The following CDH8 variants were observed in gnomAD, a reference collection of about 807,000 sequenced individuals.
CDH8 encodes the protein cadherin 8.
In CDH8, 17 loss-of-function variants were observed where a neutral mutation model predicts 68.1. That is an observed-to-expected ratio of 0.25 (90% CI 0.17 to 0.37). The LOEUF (loss-of-function observed/expected upper bound fraction) is 0.37, where lower values mean the gene tolerates loss of function less well. Among genes scored for constraint, CDH8 ranks in the 10% least tolerant of loss-of-function variants. The probability of loss-of-function intolerance (pLI) is 1.00; values close to 1 mark genes in which losing one functional copy is unlikely to be tolerated. For synonymous variants in CDH8, 372 were observed against 365.1 expected (o/e 1.02, Z -0.21); for missense variants, 763 against 999.3 (o/e 0.76, Z 3.19).
chr16:61,648,910 T>C lies in CDH8; in HGVS notation c.*4698A>G, dbSNP rs1054460103. The stretch of plus-strand genomic sequence containing the variant: ...ATACCATGTAATCCATAAATTTGTG[T>C]TGACTAAAACTACAATGACAATAAA... On this transcript the variant is annotated 3_prime_UTR_variant, in exon 12 of 12. Coordinates refer to ENST00000577390, the MANE Select transcript of CDH8 (RefSeq NM_001796.5). The C allele has an allele frequency of 6.6e-6, 1 of 151,966 alleles. No homozygotes were observed. Among genetic ancestry groups the C allele is most frequent in the Non-Finnish European group, 1.5e-5 (1 of 67,956 alleles). 9.4% of individuals were successfully genotyped at this position (151,966 alleles called of 1,614,324 possible).
intron 10 of CDH8, among the ~76,000 whole-genome samples, chr16:61,702,301 GGCGGAGCTTGCAGTGA>G (rs1170533141): frequency 2.6e-5 from 4 of 152,274 alleles, no homozygotes; most frequent in African/African-American, 9.6e-5. Flanking sequence ...GAGCCCGGGA[GGCGGAGCTTGCAGTGA>G]GCGGAGATTG....
intron 10 of CDH8, among the ~76,000 whole-genome samples, chr16:61,713,584 C>T (rs896477828): frequency 6.6e-6 from 1 of 151,562 alleles, no homozygotes; most frequent in Non-Finnish European, 1.5e-5. Context: ...TTTTACTCTT[C>T]ATTTTTTAAA....
At chr16:61,885,395 C>G (rs1389463288) in intron 3 of CDH8, among the ~76,000 whole-genome samples, 3 of 152,110 alleles carry the variant, frequency 2.0e-5, no homozygotes, top group African/African-American at 7.2e-5. Flanking sequence ...AAAGCCTGAA[C>G]ACAAGAATTA....
At chr16:61,713,578 A>T (rs1174382960) in intron 10 of CDH8, among the ~76,000 whole-genome samples, 1 of 151,622 alleles carries the variant, frequency 6.6e-6, no homozygotes, top group South Asian at 2.1e-4. Flanking sequence ...GTTAAATTTT[A>T]CTCTTCATTT....
intron 2 of CDH8, among the ~76,000 whole-genome samples, chr16:61,986,707 T>G (rs1965635113): frequency 6.6e-6 from 1 of 152,184 alleles, no homozygotes. Flanking sequence ...GAAGGTAGAT[T>G]AGAGAATCAG....
chr16:61,711,832 C>T (rs1350541391), intron 10 of CDH8, among the ~76,000 whole-genome samples: 1 of 151,612 alleles, frequency 6.6e-6, no homozygotes, highest in Non-Finnish European at 1.5e-5. Flanking sequence ...TAAATATAAG[C>T]AGCCACCCCT....
intron 2 of CDH8, among the ~76,000 whole-genome samples, chr16:62,012,724 G>A (rs1382021736): frequency 2.0e-5 from 3 of 152,062 alleles, no homozygotes; most frequent in Non-Finnish European, 4.4e-5. Flanking sequence ...TGAATATATT[G>A]ATATATTTCC....
At chr16:61,852,972 C>A (rs1313540017) in intron 4 of CDH8, among the ~76,000 whole-genome samples, 1 of 151,056 alleles carries the variant, frequency 6.6e-6, no homozygotes, top group African/African-American at 2.4e-5. Context: ...CTTCTAGGTG[C>A]CAGACATCTA....
intron 7 of CDH8, among the ~76,000 whole-genome samples, chr16:61,789,763 A>C (rs937009789): frequency 1.3e-5 from 2 of 152,116 alleles, no homozygotes; most frequent in Non-Finnish European, 2.9e-5. Context: ...ATGAAGAGTT[A>C]ATTGGACAAT....
rs1294466703 is a variant in CDH8 at position 61,804,696 on chromosome 16, C to T, written c.1277+12783G>A. 6.0e-5 allele frequency among the ~76,000 whole-genome samples: 9 copies of T among 150,170 alleles called. 1 individual carries two copies. The South Asian group carries it at 8.5e-4, about 14-fold the overall frequency. ...TCAGAGAATACCACAAACACCTCTG[C>T]GCAAATAAACTAGAAAATCTAGAAG... On this transcript the variant is annotated intron_variant, in intron 7 of 11. Coordinates refer to ENST00000577390, the MANE Select transcript of CDH8 (RefSeq NM_001796.5).
chr16:61,741,316 CCTT>C (rs1198303024), intron 8 of CDH8, among the ~76,000 whole-genome samples: 3 of 152,012 alleles, frequency 2.0e-5, no homozygotes, highest in East Asian at 3.9e-4. Flanking sequence ...TACCACAATT[CCTT>C]CTTCTGCCCA....
chr16:61,974,030 T>C (rs1188282391), intron 2 of CDH8, among the ~76,000 whole-genome samples: 2 of 152,182 alleles, frequency 1.3e-5, no homozygotes, highest in Non-Finnish European at 2.9e-5. Context: ...ATAGTGTAGG[T>C]CTGATTAGTC....
At chr16:61,783,783 A>C (rs1304719519) in intron 8 of CDH8, among the ~76,000 whole-genome samples, 1 of 152,116 alleles carries the variant, frequency 6.6e-6, no homozygotes, top group East Asian at 1.9e-4. Context: ...GCCAATATTC[A>C]ACATTCTTAA....
intron 8 of CDH8, among the ~76,000 whole-genome samples, chr16:61,755,017 C>T (rs1960275922): frequency 6.6e-6 from 1 of 152,202 alleles, no homozygotes; most frequent in East Asian, 1.9e-4. Context: ...TCAGAACATG[C>T]AGTATTTAGT....
intron 8 of CDH8, among the ~76,000 whole-genome samples, chr16:61,768,675 GCATTTTTTGAGTGCTTACTAATTACTC>G (rs1286111900): frequency 1.3e-5 from 2 of 151,472 alleles, no homozygotes; most frequent in East Asian, 3.9e-4. Context: ...ACAATGATCT[GCATTTTTTGAGTGCTTACTAATTACTC>G]CATACCAAGA....
At chr16:61,656,414 T>G (rs1472383697) in intron 10 of CDH8, among the ~76,000 whole-genome samples, 1 of 152,224 alleles carries the variant, frequency 6.6e-6, no homozygotes, top group Non-Finnish European at 1.5e-5. Context: ...GAATAAAATG[T>G]CATCATATTT....
At chr16:61,952,863 G>A (rs550659031) in intron 2 of CDH8, among the ~76,000 whole-genome samples, 1 of 151,966 alleles carries the variant, frequency 6.6e-6, no homozygotes, top group Non-Finnish European at 1.5e-5. Context: ...CAGAGCAAAT[G>A]GATACAAAGA....
At chr16:61,742,361 T>C (rs1052583792) in intron 8 of CDH8, among the ~76,000 whole-genome samples, 3 of 152,228 alleles carry the variant, frequency 2.0e-5, no homozygotes, top group Non-Finnish European at 2.9e-5. Flanking sequence ...CTTATTGTAT[T>C]GACTAAAACC....
intron 2 of CDH8, among the ~76,000 whole-genome samples, chr16:61,949,971 G>A (rs1459250068): frequency 1.4e-5 from 2 of 147,332 alleles, no homozygotes; most frequent in East Asian, 2.0e-4. Context: ...CTGGGTGGCA[G>A]AGCAAGACCC....
Sources: gnomAD v4.1 joint callset for allele counts (sites outside exome capture counted in the v4.1 genomes callset) on GRCh38, gnomAD v4.1.1 for gene constraint, MANE v1.5 for transcripts, NCBI Gene and HGNC (gene_info 2026-07-23, HGNC 2026-07-21) for gene names.